TAB2: variants seen among roughly 807,000 people sequenced by gnomAD.
The protein encoded by TAB2 is TGF-beta activated kinase 1 (MAP3K7) binding protein 2, also known as TGF-beta-activated kinase 1 and MAP3K7-binding protein 2.
Under a neutral mutation model 65.0 loss-of-function variants are expected in TAB2, and 3 were observed. That is an observed-to-expected ratio of 0.05 (90% CI 0.02 to 0.12). The LOEUF is 0.12. TAB2 is among the 10% of genes least tolerant of loss of function. TAB2 has a pLI of 1.00. For missense variants in TAB2, 623 were observed against 840.3 expected (o/e 0.74, Z 3.20); for synonymous variants, 298 against 285.1 (o/e 1.05, Z -0.46).
chr6:149,333,582 TA>T (rs1779845473), intron 1 of TAB2, among the ~76,000 whole-genome samples: 1 of 152,188 alleles, frequency 6.6e-6, no homozygotes, highest in African/African-American at 2.4e-5. Flanking sequence ...AGTATTTTTA[TA>T]TACCTTTCCA....
intron 1 of TAB2, among the ~76,000 whole-genome samples, chr6:149,332,714 T>G (rs906802463): frequency 1.3e-5 from 2 of 152,066 alleles, no homozygotes; most frequent in South Asian, 2.1e-4. Context: ...GCCAGAGAGA[T>G]AAATGAAAAA....
chr6:149,238,623 G>A (rs1777542561), intron 1 of TAB2, among the ~76,000 whole-genome samples: 1 of 152,162 alleles, frequency 6.6e-6, no homozygotes, highest in African/African-American at 2.4e-5. Flanking sequence ...GGATGACCAT[G>A]TCCACCACGA....
chr6:149,267,773 G>A lies in TAB2; in HGVS notation c.-121+48997G>A, dbSNP rs113279709. The stretch of plus-strand genomic sequence containing the variant: ...CCTATTGCTCCTAGGTGACAAGCCC[G>A]TACAGCATATTACTGTACTGAATAC... On this transcript the variant is annotated intron_variant, in intron 1 of 1. Coordinates refer to the TAB2 transcript ENST00000606202. Among the ~76,000 whole-genome samples the A allele has an allele frequency of 3.5e-3, 532 of 152,186 alleles. 3 individuals carry two copies. Among genetic ancestry groups the A allele is most frequent in the African/African-American group, 0.012 (503 of 41,538 alleles).
At chr6:149,357,430 A>ACACACACACAC (rs1554261743) in intron 1 of TAB2, among the ~76,000 whole-genome samples, 1 of 111,176 alleles carries the variant, frequency 9.0e-6, no homozygotes, top group African/African-American at 3.4e-5. Context: ...AGAAAAAAAA[A>ACACACACACAC]ACACACACAC....
chr6:149,250,796 T>A (rs779080736), intron 1 of TAB2, among the ~76,000 whole-genome samples: 6 of 152,226 alleles, frequency 3.9e-5, no homozygotes, highest in Non-Finnish European at 8.8e-5. Flanking sequence ...TTTGCTTTGC[T>A]TCAAATCTTG....
Position 149,393,821 on chromosome 6 carries a change from A to G in TAB2, c.1604-3783A>G, listed in dbSNP as rs115329111. ...ATTAAGTAAAGAACATCTTTATCTC[A>G]TATGTTTTGCCCTAAAGTCAGATTT... On this transcript the variant is annotated intron_variant, in intron 3 of 6. Coordinates refer to ENST00000637181, the MANE Select transcript of TAB2 (RefSeq NM_001292034.3). Among the ~76,000 whole-genome samples, 1,434 of 151,642 alleles carry G rather than the reference A, an allele frequency of 9.5e-3. 24 individuals carry two copies. The highest frequency in any genetic ancestry group is 0.033 in the African/African-American group (1,343 of 41,206).
At chr6:149,331,740 A>T (rs1779791214) in intron 1 of TAB2, among the ~76,000 whole-genome samples, 1 of 152,104 alleles carries the variant, frequency 6.6e-6, no homozygotes. Flanking sequence ...TATCATGAGT[A>T]GGTCTTCAAT....
At chr6:149,377,475 A>T (rs1170934473) in intron 2 of TAB2, among the ~76,000 whole-genome samples, 3 of 152,016 alleles carry the variant, frequency 2.0e-5, no homozygotes, top group Admixed American at 1.3e-4. Flanking sequence ...TACACAAGTT[A>T]AGAGGAAGCG....
At chr6:149,391,019 T>C (rs1457358309) in intron 3 of TAB2, among the ~76,000 whole-genome samples, 1 of 152,182 alleles carries the variant, frequency 6.6e-6, no homozygotes, top group East Asian at 1.9e-4. Context: ...TTATCTTCCT[T>C]CTTGGTTTAT....
At chr6:149,277,431 T>C (rs1414493537) in intron 1 of TAB2, among the ~76,000 whole-genome samples, 1 of 152,114 alleles carries the variant, frequency 6.6e-6, no homozygotes, top group South Asian at 2.1e-4. Flanking sequence ...AAAAGCAAGA[T>C]GCAGAGTAGT....
At chr6:149,250,270 A>T (rs1409830941) in intron 1 of TAB2, among the ~76,000 whole-genome samples, 2 of 151,986 alleles carry the variant, frequency 1.3e-5, no homozygotes, top group Admixed American at 1.3e-4. Context: ...TCTAAAGTCT[A>T]AACCTTAGTG....
At chr6:149,322,422 G>C (rs1402583177) in intron 1 of TAB2, among the ~76,000 whole-genome samples, 1 of 152,030 alleles carries the variant, frequency 6.6e-6, no homozygotes, top group Non-Finnish European at 1.5e-5. Context: ...TCAAATTTCA[G>C]AACACAATTG....
chr6:149,346,226 A>G lies in TAB2; in HGVS notation c.-89-23683A>G, dbSNP rs143924033. ...TACACTTTGTCTAACTTGTGAACTT[A>G]TCATACTCCTAGTGCTATTGTGCAC... On this transcript the variant is annotated intron_variant, in intron 1 of 6. Transcript: ENST00000637181. 1.6e-3 allele frequency among the ~76,000 whole-genome samples: 243 copies of G among 152,126 alleles called. 1 individual carries two copies. The highest frequency in any genetic ancestry group is 5.6e-3 in the African/African-American group (233 of 41,516).
At chr6:149,400,301 C>A in intron 6 of TAB2, 1 of 1,432,302 alleles carries the variant, frequency 7.0e-7, no homozygotes, top group Non-Finnish European at 9.5e-7. Context: ...CTGTCACCTC[C>A]TGCTGCTCTT....
At chr6:149,318,392 A>T (rs1277899711) in intron 1 of TAB2, among the ~76,000 whole-genome samples, 1 of 149,830 alleles carries the variant, frequency 6.7e-6, no homozygotes, top group Admixed American at 6.7e-5. Flanking sequence ...GCCCCCAGGC[A>T]TGTGTGAGGT....
chr6:149,367,844 G>A (rs1163431402), intron 1 of TAB2, among the ~76,000 whole-genome samples: 2 of 152,068 alleles, frequency 1.3e-5, no homozygotes, highest in African/African-American at 4.8e-5. Flanking sequence ...GAAAAGACTG[G>A]GAAAGGATTG....
intron 1 of TAB2, among the ~76,000 whole-genome samples, chr6:149,267,490 T>C (rs1033968849): frequency 1.2e-4 from 18 of 152,218 alleles, no homozygotes; most frequent in African/African-American, 4.3e-4. Context: ...AGATATTTGT[T>C]GTTCATTGCC....
At chr6:149,243,954 C>T (rs919109750) in intron 1 of TAB2, 4 of 152,234 alleles carry the variant, frequency 2.6e-5, no homozygotes, top group Non-Finnish European at 4.4e-5. Flanking sequence ...TTATCCCATC[C>T]AGTGTGGCAT....
At chr6:149,252,242 C>T (rs1401448855) in intron 1 of TAB2, among the ~76,000 whole-genome samples, 1 of 151,924 alleles carries the variant, frequency 6.6e-6, no homozygotes, top group African/African-American at 2.4e-5. Context: ...CCCATCTCTA[C>T]TAAAAATACA....
Sources: gnomAD v4.1 joint callset for allele counts (sites outside exome capture counted in the v4.1 genomes callset) on GRCh38, gnomAD v4.1.1 for gene constraint, MANE v1.5 for transcripts, NCBI Gene and HGNC (gene_info 2026-07-23, HGNC 2026-07-21) for gene names.